Variants in TRHDE observed in about 807,000 individuals in gnomAD.
TRHDE encodes the protein thyrotropin-releasing hormone-degrading ectoenzyme.
A neutral mutation model predicts 125.7 loss-of-function variants in TRHDE; 72 were observed. The ratio of observed to expected loss-of-function variants is 0.57; its 90% CI spans 0.47 to 0.70. The LOEUF is 0.70. TRHDE is among the 30% of genes least tolerant of loss of function. TRHDE has a pLI of 0.00. For synonymous variants in TRHDE, 509 were observed against 509.1 expected (o/e 1.00, Z 0.00); for missense variants, 1,110 against 1,327.1 (o/e 0.84, Z 2.54).
intron 2 of TRHDE, among the ~76,000 whole-genome samples, chr12:72,371,903 T>A (rs1315617571): frequency 1.2e-4 from 18 of 152,238 alleles, no homozygotes; most frequent in Middle Eastern, 3.4e-3. Context: ...TTGGGTATAT[T>A]CCCAGTAATG....
At chr12:72,146,523 T>C (rs996316437) in intron 2 of TRHDE, among the ~76,000 whole-genome samples, 2 of 151,782 alleles carry the variant, frequency 1.3e-5, no homozygotes, top group African/African-American at 4.8e-5. Context: ...CAGAAAAGAG[T>C]GGTGAATAAC....
chr12:72,591,103 C>T (rs529893654), intron 12 of TRHDE, among the ~76,000 whole-genome samples: 1 of 152,174 alleles, frequency 6.6e-6, no homozygotes, highest in Non-Finnish European at 1.5e-5. Flanking sequence ...TGCAGGGAAG[C>T]TGCTCTTTTT....
At chr12:72,534,990 C>T (rs1380313807) in intron 6 of TRHDE, among the ~76,000 whole-genome samples, 4 of 151,518 alleles carry the variant, frequency 2.6e-5, no homozygotes, top group Non-Finnish European at 4.4e-5. Context: ...TATGTATGGC[C>T]TTTATTACTA....
At chr12:72,210,199 T>TATCTATCTATCTATCTATCTATCTATC (rs35245091) in intron 2 of TRHDE, among the ~76,000 whole-genome samples, 4 of 151,864 alleles carry the variant, frequency 2.6e-5, no homozygotes, top group African/African-American at 4.8e-5. Context: ...TCTATCTATC[T>TATCTATCTATCTATCTATCTATCTATC]ATCTATCTAC....
At chr12:72,523,498 G>A (rs1277486274) in intron 6 of TRHDE, among the ~76,000 whole-genome samples, 2 of 152,096 alleles carry the variant, frequency 1.3e-5, no homozygotes, top group African/African-American at 4.8e-5. Flanking sequence ...AGGGTAAAGG[G>A]CATTGTTTAT....
intron 15 of TRHDE, among the ~76,000 whole-genome samples, chr12:72,636,049 G>A (rs1216377441): frequency 1.3e-5 from 2 of 150,886 alleles, no homozygotes; most frequent in African/African-American, 4.8e-5. Flanking sequence ...GAAAGTCATT[G>A]GTAGCTTGAT....
At chr12:72,181,541 A>G (rs1877096935) in intron 2 of TRHDE, among the ~76,000 whole-genome samples, 1 of 152,210 alleles carries the variant, frequency 6.6e-6, no homozygotes, top group South Asian at 2.1e-4. Flanking sequence ...GTGTATTATC[A>G]TCTGCATATT....
At chr12:72,308,329 A>C (rs552483765) in intron 2 of TRHDE, among the ~76,000 whole-genome samples, 2 of 152,274 alleles carry the variant, frequency 1.3e-5, no homozygotes, top group East Asian at 3.9e-4. Flanking sequence ...AGGTCGTTTA[A>C]TGGTCATGTG....
chr12:72,443,028 G>A lies in TRHDE; in HGVS notation c.1316-26730G>A, dbSNP rs115351502. Among the ~76,000 whole-genome samples, 944 of 151,812 alleles carry A rather than the reference G, an allele frequency of 6.2e-3. 4 individuals are homozygous for A. The highest frequency in any genetic ancestry group is 0.022 in the African/African-American group (905 of 41,466). The stretch of plus-strand genomic sequence containing the variant: ...TTGCACTCTTCATTGGTTTCCCCTT[G>A]CTCCTAGAATAAAATACAGGTTCTT... On this transcript the variant is annotated intron_variant, in intron 3 of 18. Transcript: ENST00000261180.
intron 7 of TRHDE, among the ~76,000 whole-genome samples, chr12:72,549,567 G>A (rs550310807): frequency 3.1e-4 from 47 of 151,798 alleles, no homozygotes; most frequent in African/African-American, 1.1e-3. Flanking sequence ...TTAATAACTT[G>A]AAAATAATTT....
chr12:72,255,150 T>C (rs1878778224), intron 2 of TRHDE: 1 of 152,222 alleles, frequency 6.6e-6, no homozygotes, highest in Non-Finnish European at 1.5e-5. Context: ...GATCTTCCCC[T>C]CAAATCTGTC....
At chr12:72,618,793 T>G (rs11613768) in intron 12 of TRHDE, 98 bp from the exon 13 acceptor site, 118,569 of 991,906 alleles carry the variant, frequency 0.12, 10,638 homozygotes, top group East Asian at 0.49. Context: ...TATGCTTTCT[T>G]TATACTATGA....
chr12:72,354,298 C>T (rs1870716353), intron 2 of TRHDE, among the ~76,000 whole-genome samples: 1 of 151,438 alleles, frequency 6.6e-6, no homozygotes, highest in South Asian at 2.1e-4. Context: ...ATAGAAAGTA[C>T]ATGAGAGTAG....
chr12:72,614,429 T>G (rs1033376397), intron 12 of TRHDE, among the ~76,000 whole-genome samples: 4 of 151,162 alleles, frequency 2.6e-5, no homozygotes, highest in Non-Finnish European at 4.4e-5. Context: ...CAAGGACTAT[T>G]GGGATTTCCA....
At chr12:72,322,400 T>C (rs1358297989) in intron 2 of TRHDE, among the ~76,000 whole-genome samples, 5 of 152,136 alleles carry the variant, frequency 3.3e-5, no homozygotes, top group Non-Finnish European at 7.4e-5. Flanking sequence ...AAGGCTGCCA[T>C]ATACTTTATA....
At chr12:72,153,357 T>A (rs1333975977) in intron 2 of TRHDE, among the ~76,000 whole-genome samples, 1 of 152,188 alleles carries the variant, frequency 6.6e-6, no homozygotes, top group African/African-American at 2.4e-5. Flanking sequence ...GCTCCTGGAT[T>A]CATGATTTTT....
At chr12:72,401,027 T>G (rs1019288691) in intron 3 of TRHDE, among the ~76,000 whole-genome samples, 1 of 152,202 alleles carries the variant, frequency 6.6e-6, no homozygotes, top group African/African-American at 2.4e-5. Context: ...AGCCAATTTC[T>G]CCTTTTTTTC....
In TRHDE at chr12:72,666,213, A is replaced by T. The variant is rs532337178; in HGVS notation, c.*3018A>T. 146 of 152,136 alleles carry T rather than the reference A, an allele frequency of 9.6e-4. 1 individual carries two copies. The highest frequency in any genetic ancestry group is 3.3e-3 in the African/African-American group (138 of 41,548). 9.4% of individuals were successfully genotyped at this position (152,136 alleles called of 1,614,324 possible). ...AAATGTTGTGAGCCCTAATATTCTG[A>T]TGAGAAAACTGGGGCTCAGGTAGCA... On this transcript the variant is annotated 3_prime_UTR_variant, in exon 19 of 19. Coordinates refer to ENST00000261180, the MANE Select transcript of TRHDE (RefSeq NM_013381.3).
intron 2 of TRHDE, among the ~76,000 whole-genome samples, chr12:72,249,551 A>C (rs1878638880): frequency 6.6e-6 from 1 of 152,208 alleles, no homozygotes; most frequent in South Asian, 2.1e-4. Flanking sequence ...GCTGGTAAGC[A>C]CATACAAAGA....
Sources: gnomAD v4.1 joint callset for allele counts (sites outside exome capture counted in the v4.1 genomes callset) on GRCh38, gnomAD v4.1.1 for gene constraint, MANE v1.5 for transcripts, NCBI Gene and HGNC (gene_info 2026-07-23, HGNC 2026-07-21) for gene names.